The following MAGI3 variants were observed in gnomAD, a reference collection of about 807,000 sequenced individuals.
The protein encoded by MAGI3 is membrane associated guanylate kinase, WW and PDZ domain containing 3.
Under a neutral mutation model 121.8 loss-of-function variants are expected in MAGI3, and 43 were observed. The ratio of observed to expected loss-of-function variants is 0.35; its 90% confidence interval spans 0.28 to 0.46. The LOEUF (loss-of-function observed/expected upper bound fraction) is 0.46. MAGI3 is among the 20% of genes least tolerant of loss of function. MAGI3 has a pLI of 1.00. For missense variants in MAGI3, 1,547 were observed against 1,797.3 expected (o/e 0.86, Z 2.52); for synonymous variants, 553 against 639.3 (o/e 0.86, Z 2.04).
intron 19 of MAGI3, among the ~76,000 whole-genome samples, chr1:113,677,062 A>C (rs575466093): frequency 1.3e-5 from 2 of 152,294 alleles, no homozygotes; most frequent in South Asian, 4.1e-4. Flanking sequence ...AAGAAATGTT[A>C]ATTTGTAACA....
At chr1:113,600,752 C>A (rs544247088) in intron 6 of MAGI3, among the ~76,000 whole-genome samples, 1 of 152,292 alleles carries the variant, frequency 6.6e-6, no homozygotes, top group South Asian at 2.1e-4. Flanking sequence ...AAAAAAGAGT[C>A]CGCATTGCCA....
intron 2 of MAGI3, among the ~76,000 whole-genome samples, chr1:113,569,929 T>C (rs751543928): frequency 3.3e-5 from 5 of 152,164 alleles, no homozygotes; most frequent in Non-Finnish European, 7.4e-5. Flanking sequence ...AATGTGCAGG[T>C]TTGTTGCATA....
At chr1:113,551,407 T>C (rs1328073785) in intron 2 of MAGI3, among the ~76,000 whole-genome samples, 1 of 152,248 alleles carries the variant, frequency 6.6e-6, no homozygotes, top group African/African-American at 2.4e-5. Flanking sequence ...AGTGGACATC[T>C]GATTCTTGTC....
chr1:113,581,116 C>T (rs190684527), intron 3 of MAGI3: 9 of 152,384 alleles, frequency 5.9e-5, no homozygotes, highest in African/African-American at 1.9e-4. Flanking sequence ...TTTCTGTTTC[C>T]TCTACCCACT....
At chr1:113,441,091 T>C (rs1390409335) in intron 1 of MAGI3, among the ~76,000 whole-genome samples, 1 of 152,050 alleles carries the variant, frequency 6.6e-6, no homozygotes, top group Non-Finnish European at 1.5e-5. Flanking sequence ...CCTCTGATAG[T>C]TTTTTGTCTC....
intron 16 of MAGI3, among the ~76,000 whole-genome samples, chr1:113,666,908 C>T (rs780305870): frequency 1.2e-4 from 19 of 152,190 alleles, no homozygotes; most frequent in Admixed American, 2.0e-4. Flanking sequence ...TCCATCAGAG[C>T]TCTTGAGTGA....
At chr1:113,417,438 G>A (rs936211925) in intron 1 of MAGI3, among the ~76,000 whole-genome samples, 5 of 152,076 alleles carry the variant, frequency 3.3e-5, no homozygotes, top group African/African-American at 1.2e-4. Context: ...TTCAGAGACA[G>A]GGTCTTGCTT....
At chr1:113,681,793 C>T (rs1448559388) in intron 20 of MAGI3, among the ~76,000 whole-genome samples, 2 of 152,160 alleles carry the variant, frequency 1.3e-5, no homozygotes, top group Non-Finnish European at 2.9e-5. Flanking sequence ...TCTGGTGACT[C>T]GGCAAAAACA....
chr1:113,596,470 A>T (rs1424506057), intron 6 of MAGI3, among the ~76,000 whole-genome samples: 1 of 152,228 alleles, frequency 6.6e-6, no homozygotes, highest in African/African-American at 2.4e-5. Context: ...TATGAACCAT[A>T]GAAGAAAAAG....
rs1005680167 is a variant in MAGI3 at position 113,449,848 on chromosome 1, C to T, written c.316+58499C>T. ...TGTGTGGTAATGAGAGACCCCCAAA[C>T]AAAACGTTCCAGGGGCTTTGGTTTT... On this transcript the variant is annotated intron_variant, in intron 1 of 20. Coordinates refer to ENST00000307546, the MANE Select transcript of MAGI3 (RefSeq NM_001142782.2). The T allele has an allele frequency of 6.9e-6, 10 of 1,447,720 alleles. No homozygotes were observed. The Admixed American group carries it at 8.4e-5, about 12-fold the overall frequency. The allele number at this position is 1,447,720 out of a possible 1,614,324, so 89.7% of individuals were successfully genotyped here.
At chr1:113,634,051 T>C (rs375733261) in intron 9 of MAGI3, among the ~76,000 whole-genome samples, 1 of 151,860 alleles carries the variant, frequency 6.6e-6, no homozygotes, top group Non-Finnish European at 1.5e-5. Context: ...GAAGTGTCTG[T>C]TCATGTCCTT....
At chr1:113,556,729 A>T (rs1284842429) in intron 2 of MAGI3, among the ~76,000 whole-genome samples, 1 of 150,874 alleles carries the variant, frequency 6.6e-6, no homozygotes, top group African/African-American at 2.4e-5. Context: ...TGCCCAGCTA[A>T]TTTTTTTTTA....
intron 16 of MAGI3, among the ~76,000 whole-genome samples, chr1:113,671,230 G>A (rs1647533445): frequency 6.6e-6 from 1 of 152,154 alleles, no homozygotes; most frequent in Non-Finnish European, 1.5e-5. Context: ...CTATAAGTTT[G>A]TCTTTGGTTC....
chr1:113,643,985 C>T (rs750483821), intron 11 of MAGI3, among the ~76,000 whole-genome samples: 6 of 152,180 alleles, frequency 3.9e-5, no homozygotes, highest in Non-Finnish European at 7.3e-5. Flanking sequence ...AGTATTGCAA[C>T]TGGAGGATTA....
chr1:113,594,492 A>G lies in MAGI3; in HGVS notation c.950A>G (p.Lys317Arg), dbSNP rs1648877548. 6.2e-7 allele frequency: 1 copy of G among 1,612,256 alleles called. No homozygotes were observed. The highest frequency in any genetic ancestry group is 8.5e-7 in the Non-Finnish European group (1 of 1,179,318). Residue 317 changes from lysine to arginine, a missense_variant, in exon 6 of 21, where the codon AAG becomes AGG. By Grantham distance (26) the Lys-to-Arg change is conservative (BLOSUM62 2). Transcript: ENST00000307546. ...GMIYFIDHNTKTTTWLDPRLC... is the reference protein window; with the variant it reads ...GMIYFIDHNTRTTTWLDPRLC... ...TCTTTATTCTACAGCCACAATACCA[A>G]GACAACCACCTGGTTGGATCCTCGT...
intron 18 of MAGI3, among the ~76,000 whole-genome samples, chr1:113,673,116 A>G (rs970193301): frequency 7.9e-5 from 12 of 152,240 alleles, no homozygotes; most frequent in African/African-American, 2.9e-4. Flanking sequence ...GACCAACTAG[A>G]AAAGACATGT....
intron 1 of MAGI3, among the ~76,000 whole-genome samples, chr1:113,511,077 T>A (rs1004805958): frequency 3.9e-5 from 6 of 152,230 alleles, no homozygotes; most frequent in African/African-American, 7.2e-5. Flanking sequence ...GGACTTGACA[T>A]GTGGTAGGTG....
chr1:113,425,254 C>G (rs917695650), intron 1 of MAGI3, among the ~76,000 whole-genome samples: 1 of 149,852 alleles, frequency 6.7e-6, no homozygotes, highest in Non-Finnish European at 1.5e-5. Flanking sequence ...TTTTTCAAAG[C>G]CTTTAAATTA....
At chr1:113,641,776 C>A in intron 9 of MAGI3, 135 bp from the exon 10 acceptor site, 1 of 677,052 alleles carries the variant, frequency 1.5e-6, no homozygotes, top group South Asian at 2.6e-5. Context: ...TGTTAGAAAT[C>A]TATCTTTTCA....
Sources: allele counts gnomAD v4.1 joint callset (sites outside exome capture counted in the v4.1 genomes callset), GRCh38; gene constraint gnomAD v4.1.1; transcripts MANE v1.5; gene names NCBI Gene and HGNC (gene_info 2026-07-23, HGNC 2026-07-21).